The following USP28 variants were observed in gnomAD, a reference collection of about 807,000 sequenced individuals.
The protein encoded by USP28 is ubiquitin carboxyl-terminal hydrolase 28.
USP28 carries 113 observed loss-of-function variants against 145.0 expected under a neutral mutation model. That is an observed-to-expected ratio of 0.78 (90% CI 0.67 to 0.91). USP28 has a LOEUF of 0.91. Ranked by LOEUF, USP28 falls within the 40% of genes least tolerant of loss-of-function variation. The pLI is 0.00. For synonymous variants in USP28, 447 were observed against 450.9 expected (o/e 0.99, Z 0.11); for missense variants, 1,201 against 1,289.6 (o/e 0.93, Z 1.05).
At chr11:113,847,485 G>A (rs992430370) in intron 3 of USP28, among the ~76,000 whole-genome samples, 1 of 152,080 alleles carries the variant, frequency 6.6e-6, no homozygotes, top group East Asian at 1.9e-4. Context: ...TATAAATAAA[G>A]AGAGTCTTAA....
chr11:113,868,758 A>T (rs977742181), intron 1 of USP28, among the ~76,000 whole-genome samples: 1 of 151,890 alleles, frequency 6.6e-6, no homozygotes, highest in Non-Finnish European at 1.5e-5. Context: ...CCCCATCTCT[A>T]CAAAAACTAA....
At chr11:113,826,709 C>T (rs1175360242) in intron 11 of USP28, among the ~76,000 whole-genome samples, 4 of 151,844 alleles carry the variant, frequency 2.6e-5, no homozygotes, top group Non-Finnish European at 5.9e-5. Flanking sequence ...CACCTGAGGT[C>T]GGGAGTTCGC....
At chr11:113,800,303 C>A (rs1349725263) in intron 24 of USP28, among the ~76,000 whole-genome samples, 1 of 151,946 alleles carries the variant, frequency 6.6e-6, no homozygotes, top group East Asian at 1.9e-4. Context: ...CTGCGCCCGG[C>A]CTTTTTTGTT....
At chr11:113,839,807 A>G (rs1386973473) in intron 5 of USP28, among the ~76,000 whole-genome samples, 1 of 152,020 alleles carries the variant, frequency 6.6e-6, no homozygotes, top group Non-Finnish European at 1.5e-5. Context: ...GGCAGATCAC[A>G]TGGTCAGGAG....
chr11:113,832,168 G>A (rs1041387867), intron 7 of USP28, among the ~76,000 whole-genome samples, 175 bp from the exon 8 acceptor site: 1 of 151,900 alleles, frequency 6.6e-6, no homozygotes, highest in African/African-American at 2.4e-5. Flanking sequence ...GGAGTGCAGT[G>A]GCGCGATCTC....
At chr11:113,808,477 A>G in intron 17 of USP28, 40 bp from the exon 18 acceptor site, 2 of 1,609,296 alleles carry the variant, frequency 1.2e-6, no homozygotes, top group Non-Finnish European at 1.7e-6. Flanking sequence ...ATCTAATGAT[A>G]AATAGTCTAG....
At chr11:113,845,870 C>T (rs536485687) in intron 3 of USP28, among the ~76,000 whole-genome samples, 8 of 152,224 alleles carry the variant, frequency 5.3e-5, no homozygotes, top group African/African-American at 9.6e-5. Context: ...CTACAGTGCC[C>T]GGACTAAAAC....
rs1944231721 is a variant in USP28, at chr11:113,833,403, C to T, written c.759+17G>A. On this transcript the variant is annotated intron_variant, in intron 7 of 24. Transcript: ENST00000003302. ...CAAGGCATGACTTCAAACTCAAGAACAAGGCTTCTTTTGTACCTGCTGTTC... is the reference window on the plus strand; with the variant it reads ...CAAGGCATGACTTCAAACTCAAGAATAAGGCTTCTTTTGTACCTGCTGTTC... 2 of 1,606,736 alleles carry T rather than the reference C, an allele frequency of 1.2e-6. No individual in the cohort carries two copies. Among genetic ancestry groups the T allele is most frequent in the Non-Finnish European group, 1.7e-6 (2 of 1,178,272 alleles).
chr11:113,830,983 T>A lies in USP28; in HGVS notation c.834-40A>T, dbSNP rs1230181637. On this transcript the variant is annotated intron_variant, in intron 8 of 24. Coordinates refer to ENST00000003302, the Ensembl canonical transcript of USP28. ...AGGAGACAATTCTGGATTGTTTGGA[T>A]TAAGATATGTGCTACATAAAATCCA... is the stretch of plus-strand genomic sequence containing the variant. The A allele has an allele frequency of 5.0e-6, 8 of 1,602,580 alleles. No homozygotes were observed. In the African/African-American group the frequency reaches 1.1e-4, roughly 22 times the overall value.
chr11:113,819,812 C>A (rs1942334195), intron 12 of USP28, among the ~76,000 whole-genome samples: 1 of 151,874 alleles, frequency 6.6e-6, no homozygotes, highest in Non-Finnish European at 1.5e-5. Flanking sequence ...CTCCACCTCC[C>A]CGGTTCAAGT....
chr11:113,823,701 C>G lies in USP28; in HGVS notation c.1188-1G>C. ...AAGCTCCTTGCTCCTGTACATGTACCTAAGTAAATAATCCCACAAACACAA... is the reference window on the plus strand; with the variant it reads ...AAGCTCCTTGCTCCTGTACATGTACGTAAGTAAATAATCCCACAAACACAA... On this transcript the variant is annotated splice_acceptor_variant, in intron 11 of 24. Coordinates refer to ENST00000003302, the Ensembl canonical transcript of USP28. LOFTEE classifies it high-confidence loss of function. 2 of 1,595,898 alleles carry G rather than the reference C, an allele frequency of 1.3e-6. No homozygotes were observed. The highest frequency in any genetic ancestry group is 1.7e-6 in the Non-Finnish European group (2 of 1,171,204).
In USP28 at chr11:113,837,406, C is replaced by T. The variant is rs113729736; in HGVS notation, c.535-3071G>A. ...CTAGTGACACATTCCTCCACTCCAT[C>T]TCTATCTACATCCACATCCCAGGCT... On this transcript the variant is annotated intron_variant, in intron 5 of 24. Coordinates refer to ENST00000003302, the Ensembl canonical transcript of USP28. Among the ~76,000 whole-genome samples the T allele has an allele frequency of 7.9e-3, 1,208 of 152,314 alleles. 19 individuals are homozygous for T. Among genetic ancestry groups the T allele is most frequent in the African/African-American group, 0.028 (1,166 of 41,560 alleles).
intron 24 of USP28, among the ~76,000 whole-genome samples, chr11:113,801,061 C>T (rs953029720): frequency 2.6e-5 from 4 of 152,080 alleles, no homozygotes; most frequent in African/African-American, 9.7e-5. Flanking sequence ...CAGACTTGGT[C>T]TTGAACTCCT....
chr11:113,875,431 G>A lies in USP28; in HGVS notation c.57+14C>T. On this transcript the variant is annotated intron_variant, in intron 1 of 24. Coordinates refer to ENST00000003302, the Ensembl canonical transcript of USP28. ...AGCCCGCCCCCAGCTCCCGCTCGCC[G>A]CCGCGGAGCCCACCGAGCCGTGGCC... is the stretch of plus-strand genomic sequence containing the variant. 1 of 1,241,526 alleles carries A rather than the reference G, an allele frequency of 8.1e-7. No homozygotes were observed. The highest frequency in any genetic ancestry group is 1.0e-6 in the Non-Finnish European group (1 of 987,880). 76.9% of individuals were successfully genotyped at this position (1,241,526 alleles called of 1,614,324 possible).
intron 21 of USP28, 29 bp downstream of exon 22, chr11:113,804,644 G>A (rs1939616105): frequency 6.3e-7 from 1 of 1,586,934 alleles, no homozygotes. Context: ...TAATGTTTTT[G>A]CTCTATAGAC....
intron 16 of USP28, among the ~76,000 whole-genome samples, chr11:113,810,448 C>G (rs1354188276): frequency 2.6e-5 from 4 of 152,232 alleles, no homozygotes; most frequent in African/African-American, 9.6e-5. Context: ...AAGCAAATGA[C>G]AGTTTCCACT....
chr11:113,801,808 C>T (rs1939078439), intron 23 of USP28, 130 bp from the exon 25 acceptor site: 3 of 670,860 alleles, frequency 4.5e-6, no homozygotes, highest in Non-Finnish European at 6.9e-6. Context: ...TTAAAAACTA[C>T]TGATGCCTGG....
At chr11:113,865,596 G>GA (rs1307116621) in intron 1 of USP28, among the ~76,000 whole-genome samples, 33 of 152,126 alleles carry the variant, frequency 2.2e-4, no homozygotes, top group African/African-American at 7.5e-4. Context: ...TTTGATGGGG[G>GA]AAAAATCATG....
rs566190838 is a variant in USP28, at chr11:113,852,653, T to C, written c.136-20A>G. On this transcript the variant is annotated intron_variant, in intron 2 of 24. Transcript: ENST00000003302. ...ACTGGCCTATGGGAGAAAAAGACAATAGAAATTTCAAAAGTAATCATAGAA... is the reference window on the plus strand; with the variant it reads ...ACTGGCCTATGGGAGAAAAAGACAACAGAAATTTCAAAAGTAATCATAGAA... 68 of 1,610,782 alleles carry C rather than the reference T, an allele frequency of 4.2e-5. 1 individual carries two copies. The South Asian group carries it at 5.6e-4, about 13-fold the overall frequency.
Sources: allele counts gnomAD v4.1 joint callset (sites outside exome capture counted in the v4.1 genomes callset), GRCh38; gene constraint gnomAD v4.1.1; transcripts MANE v1.5; gene names NCBI Gene and HGNC (gene_info 2026-07-23, HGNC 2026-07-21).